Variants in SLC43A2 observed in about 807,000 individuals in gnomAD.
The protein encoded by SLC43A2 is solute carrier family 43 member 2.
A neutral mutation model predicts 63.2 loss-of-function variants in SLC43A2; 38 were observed. That is an observed-to-expected ratio of 0.60 (90% CI 0.46 to 0.79). The LOEUF (loss-of-function observed/expected upper bound fraction) is 0.79. Ranked by LOEUF, SLC43A2 falls within the 30% of genes least tolerant of loss-of-function variation. The pLI, the probability that SLC43A2 is intolerant of heterozygous loss-of-function variation, is 0.00. For missense variants in SLC43A2, 644 were observed against 756.2 expected (o/e 0.85, Z 1.74); for synonymous variants, 322 against 331.0 (o/e 0.97, Z 0.30).
intron 11 of SLC43A2, among the ~76,000 whole-genome samples, chr17:1,579,005 G>T (rs1006863056): frequency 1.3e-5 from 2 of 151,944 alleles, no homozygotes; most frequent in African/African-American, 4.8e-5. Flanking sequence ...GCTGGGCGTG[G>T]TGGTGGGCAC....
In SLC43A2 at chr17:1,575,695, C is replaced by T. The variant is rs201032490; in HGVS notation, c.1619G>A (p.Arg540His). The change falls in exon 14 of 14, where the codon CGC (arginine) becomes CAC (histidine). Residue 540 changes from arginine to histidine, a missense_variant. Physicochemically the swap from Arg to His is conservative, Grantham distance 29. Coordinates refer to ENST00000301335, the MANE Select transcript of SLC43A2 (RefSeq NM_152346.3). ...CLPLYLICYR[R>H]QLERQLQQRQ... ...CTGCTGCAGCTGCCGCTCCAGCTGGCGCCGGTAGCAGATCAGGTAGAGCGG... is the reference window on the plus strand; with the variant it reads ...CTGCTGCAGCTGCCGCTCCAGCTGGTGCCGGTAGCAGATCAGGTAGAGCGG... 346 of 1,614,032 alleles carry T rather than the reference C, an allele frequency of 2.1e-4. No homozygotes were observed. Among genetic ancestry groups the T allele is most frequent in the Non-Finnish European group, 2.6e-4 (305 of 1,179,984 alleles).
At chr17:1,596,287 C>G (rs900877217) in intron 5 of SLC43A2, among the ~76,000 whole-genome samples, 3 of 151,534 alleles carry the variant, frequency 2.0e-5, no homozygotes. Flanking sequence ...CCACTGCACT[C>G]TAGCCTGGGC....
chr17:1,581,149 TG>T (rs933390871), intron 11 of SLC43A2, among the ~76,000 whole-genome samples: 1 of 150,372 alleles, frequency 6.7e-6, no homozygotes, highest in African/African-American at 2.5e-5. Context: ...ATGTGGGTGG[TG>T]GGGGGGCAGG....
chr17:1,594,809 G>A (rs12939032), intron 5 of SLC43A2, among the ~76,000 whole-genome samples: 4 of 150,992 alleles, frequency 2.6e-5, no homozygotes, highest in South Asian at 2.1e-4. Flanking sequence ...AGGATGGTCT[G>A]GATCTCCTGA....
At chr17:1,614,222 G>A (rs1907386743) in intron 4 of SLC43A2, among the ~76,000 whole-genome samples, 1 of 152,136 alleles carries the variant, frequency 6.6e-6, no homozygotes, top group South Asian at 2.1e-4. Context: ...CAGCCCGGGC[G>A]ACAGAGGGAG....
At position 1,591,640 on chromosome 17, in the gene SLC43A2, G is replaced by A. The variant is rs369605587; in HGVS notation, c.654C>T (p.Ser218=). Residue 218 remains serine, a synonymous_variant, in exon 7 of 14, where the codon TCC becomes TCT. Coordinates refer to ENST00000301335, the MANE Select transcript of SLC43A2 (RefSeq NM_152346.3). The stretch of plus-strand genomic sequence containing the variant: ...AGAAGCAGTTGAGGAAAACCAGCCC[G>A]GAGCAGCCGGCCCAGACCACGAGGA... ...IVVLVVWAGC[S]GLVFLNCFFN... 113 of 1,549,016 alleles carry A rather than the reference G, an allele frequency of 7.3e-5. No individual in the cohort carries two copies. The highest frequency in any genetic ancestry group is 8.6e-5 in the Non-Finnish European group (99 of 1,146,446).
At chr17:1,591,739 G>GGGGGCC in intron 6 of SLC43A2, 40 bp from the exon 7 acceptor site, 4 of 512,298 alleles carry the variant, frequency 7.8e-6, no homozygotes, top group East Asian at 4.1e-5. Flanking sequence ...GGGGGAGGGG[G>GGGGGCC]CAGAGTTAGC....
At position 1,583,524 on chromosome 17, in the gene SLC43A2, C is replaced by T; in HGVS notation, c.1218-188G>A. 3 of 942,676 alleles carry T rather than the reference C, an allele frequency of 3.2e-6. No homozygotes were observed. Among genetic ancestry groups the T allele is most frequent in the Non-Finnish European group, 4.6e-6 (3 of 657,728 alleles). 58.4% of individuals were successfully genotyped at this position (942,676 alleles called of 1,614,324 possible). The stretch of plus-strand genomic sequence containing the variant: ...GACACTCCCCGGCCCTTCTCAGTGG[C>T]AAGCTGAGTGTGACTCTCGGAGGGG... On this transcript the variant is annotated intron_variant, in intron 10 of 13. Coordinates refer to ENST00000301335, the MANE Select transcript of SLC43A2 (RefSeq NM_152346.3). The surrounding 1 kb of genome is among the most constrained non-coding windows in gnomAD (Gnocchi z 5.5).
chr17:1,587,278 T>C (rs2076118952), intron 9 of SLC43A2, among the ~76,000 whole-genome samples: 1 of 152,000 alleles, frequency 6.6e-6, no homozygotes, highest in Non-Finnish European at 1.5e-5. Context: ...GCGGGTAGCG[T>C]GATGGGGAAG....
intron 11 of SLC43A2, among the ~76,000 whole-genome samples, chr17:1,581,709 A>C (rs2076016671): frequency 1.3e-5 from 2 of 152,160 alleles, no homozygotes; most frequent in African/African-American, 4.8e-5. Context: ...TTCACAGACC[A>C]GTGGGTGGAG....
intron 8 of SLC43A2, 95 bp from the exon 9 acceptor site, chr17:1,591,043 G>C: frequency 1.4e-6 from 2 of 1,406,474 alleles, no homozygotes; most frequent in South Asian, 2.6e-5. Context: ...CCAGGAGGGG[G>C]CCCTCGGGAC....
At chr17:1,600,152 A>ATATATATATTTTTTT (rs1216616243) in intron 5 of SLC43A2, among the ~76,000 whole-genome samples, 1 of 60,272 alleles carries the variant, frequency 1.7e-5, no homozygotes, top group African/African-American at 5.4e-5. Flanking sequence ...ATATATATAT[A>ATATATATATTTTTTT]TTTTTTTTTT....
chr17:1,624,880 A>G lies in SLC43A2; in HGVS notation c.160+2835T>C, dbSNP rs573022666. ...CACTACATTCCAGACTGGGCAACAG[A>G]GCGAGACCCTGTCTCAAATAAAAAA... is the stretch of plus-strand genomic sequence containing the variant. On this transcript the variant is annotated intron_variant, in intron 2 of 13. Coordinates refer to ENST00000301335, the MANE Select transcript of SLC43A2 (RefSeq NM_152346.3). 5.3e-5 allele frequency among the ~76,000 whole-genome samples: 8 copies of G among 152,120 alleles called. No individual in the cohort carries two copies. In the South Asian group the frequency reaches 1.7e-3, roughly 32 times the overall value.
At chr17:1,594,292 G>A (rs1196987793) in intron 5 of SLC43A2, among the ~76,000 whole-genome samples, 1 of 152,160 alleles carries the variant, frequency 6.6e-6, no homozygotes, top group Non-Finnish European at 1.5e-5. Flanking sequence ...CAGGGCAAGA[G>A]GGGGCCCACC....
At chr17:1,599,030 T>TTA (rs1254855427) in intron 5 of SLC43A2, among the ~76,000 whole-genome samples, 3 of 152,180 alleles carry the variant, frequency 2.0e-5, no homozygotes, top group Non-Finnish European at 2.9e-5. Flanking sequence ...ATCTTGTATT[T>TTA]TTAATTATGA....
chr17:1,624,367 G>A (rs890683278), intron 2 of SLC43A2, among the ~76,000 whole-genome samples: 2 of 150,762 alleles, frequency 1.3e-5, no homozygotes, highest in Non-Finnish European at 3.0e-5. Flanking sequence ...GAGCCCAGGA[G>A]TTTTGAGACC....
chr17:1,594,701 C>A (rs941235059), intron 5 of SLC43A2, among the ~76,000 whole-genome samples: 5 of 149,258 alleles, frequency 3.3e-5, no homozygotes. Flanking sequence ...CATTCTCCTG[C>A]CTCAGCCTCC....
chr17:1,626,255 G>A (rs147629205), intron 2 of SLC43A2, among the ~76,000 whole-genome samples: 4 of 150,878 alleles, frequency 2.7e-5, no homozygotes, highest in Non-Finnish European at 4.4e-5. Context: ...GATCTCTAAG[G>A]GGGGAGAGAG....
rs567676112 is a variant in SLC43A2 at position 1,577,808 on chromosome 17, C to T, written c.1424+442G>A. ...GGCGCACTGAGGCTCTGGATGGGCC[C>T]GTCTGGTGTATTCTGGACTCAGTCA... is the stretch of plus-strand genomic sequence containing the variant. On this transcript the variant is annotated intron_variant, in intron 12 of 13. Coordinates refer to ENST00000301335, the MANE Select transcript of SLC43A2 (RefSeq NM_152346.3). The surrounding 1 kb of genome is among the most constrained non-coding windows in gnomAD (Gnocchi z 4.9). Among the ~76,000 whole-genome samples the T allele has an allele frequency of 5.9e-5, 9 of 152,288 alleles. No individual in the cohort carries two copies. The highest frequency in any genetic ancestry group is 4.1e-4 in the South Asian group (2 of 4,828).
Sources: gnomAD v4.1 joint callset for allele counts (sites outside exome capture counted in the v4.1 genomes callset) on GRCh38, gnomAD v4.1.1 for gene constraint, Gnocchi (gnomAD v3.1) non-coding constraint, MANE v1.5 for transcripts, NCBI Gene and HGNC (gene_info 2026-07-23, HGNC 2026-07-21) for gene names.